USH1C: variants seen among roughly 807,000 people sequenced by gnomAD.
USH1C encodes the protein harmonin.
In USH1C, 90 loss-of-function variants were observed where a neutral mutation model predicts 119.3. The ratio of observed to expected loss-of-function variants is 0.75; its 90% CI spans 0.64 to 0.90. The LOEUF is 0.90. Among genes scored for constraint, USH1C ranks in the 40% least tolerant of loss-of-function variants. The probability of loss-of-function intolerance (pLI) is 0.00; values close to 1 mark genes in which losing one functional copy is unlikely to be tolerated. For missense variants in USH1C, 1,165 were observed against 1,167.7 expected, an observed-to-expected ratio of 1.00 and a Z score of 0.03; for synonymous variants, 465 against 443.3, an observed-to-expected ratio of 1.05 and a Z score of -0.62.
Position 17,498,234 on chromosome 11 carries a change from G to T in USH1C, c.2418C>A (p.Asn806Lys), listed in dbSNP as rs397517876. ...GGGTGTAGTCTGTCACAATCTTGCC[G>T]TTGATTGCCATGATCTCGTCCCCTT... ...IVKGDEIMAI[N>K]GKIVTDYTLA... The change falls in exon 24 of 27, where the codon AAC (asparagine) becomes AAA (lysine). Residue 806 changes from asparagine (N) to lysine (K), a missense_variant. Asn to Lys is a moderately conservative substitution (Grantham distance 94). Transcript: ENST00000005226. 6.2e-7 allele frequency: 1 copy of T among 1,614,172 alleles called. No homozygotes were observed. Among genetic ancestry groups the T allele is most frequent in the Non-Finnish European group, 8.5e-7 (1 of 1,180,018 alleles).
At chr11:17,499,821 C>T (rs1849371045) in intron 23 of USH1C, among the ~76,000 whole-genome samples, 1 of 152,228 alleles carries the variant, frequency 6.6e-6, no homozygotes, top group African/African-American at 2.4e-5. Context: ...GGGCCTTTCC[C>T]ATCCCTGTTT....
At chr11:17,496,913 GC>G in intron 24 of USH1C, 100 bp from the exon 25 acceptor site, 1 of 1,431,764 alleles carries the variant, frequency 7.0e-7, no homozygotes, top group Non-Finnish European at 9.7e-7. Flanking sequence ...CCTAGGATCA[GC>G]CAGGCTGCAC....
intron 24 of USH1C, 83 bp from the exon 25 acceptor site, chr11:17,496,896 C>T (rs773065533): frequency 6.5e-7 from 1 of 1,544,948 alleles, no homozygotes; most frequent in Non-Finnish European, 8.9e-7. Context: ...ATTTCTGGGC[C>T]CCATGGCCTA....
At chr11:17,527,399 C>T in intron 4 of USH1C, 68 bp from the exon 5 acceptor site, 5 of 1,222,310 alleles carry the variant, frequency 4.1e-6, no homozygotes, top group Non-Finnish European at 6.0e-6. Flanking sequence ...AGACTCACCA[C>T]CAGATGCTCC....
rs1157049229 is a variant in USH1C at position 17,509,369 on chromosome 11, G to A, written c.2000C>T (p.Pro667Leu). The A allele has an allele frequency of 3.8e-6, 6 of 1,580,662 alleles. No individual in the cohort carries two copies. In the Admixed American group the frequency reaches 1.0e-4, roughly 27 times the overall value. Residue 667 changes from proline (P) to leucine (L), a missense_variant, in exon 18 of 27, where the codon CCA becomes CTA. Transcript: ENST00000005226. ...CAGGGACATTACCTTTGGGGTGGGT[G>A]GGAAGCTCTGTTCAGGGACAGGGGA... ...TNSPVPEQSF[P>L]PTPKTFCPSP...
chr11:17,516,530 C>T (rs1850154352), intron 14 of USH1C: 1 of 554,360 alleles, frequency 1.8e-6, no homozygotes, highest in Admixed American at 2.9e-5. Flanking sequence ...GGGTCACTCT[C>T]AAATGCCTCT....
rs767655370 is a variant in USH1C at position 17,531,200 on chromosome 11, A to G, written c.341T>C (p.Ile114Thr). 8.1e-6 allele frequency: 13 copies of G among 1,613,798 alleles called. No individual in the cohort carries two copies. The South Asian group carries it at 1.3e-4, about 16-fold the overall frequency. ...GGLEFGCGLF[I>T]SHLIKGGQAD... ...CTGACCGCCTTTGATGAGGTGGGAG[A>G]TGAAGAGCCCACAGCCAAACTCCAG... The change falls in exon 4 of 27, where the codon ATC (isoleucine) becomes ACC (threonine). Residue 114 changes from isoleucine to threonine, a missense_variant. Ile to Thr is a moderately conservative substitution (Grantham distance 89). Coordinates refer to ENST00000005226, the MANE Select transcript of USH1C (RefSeq NM_153676.4). This position sits in a 1 kb window ranked among gnomAD's most constrained non-coding sequence, Gnocchi z 4.2.
At chr11:17,501,449 T>G (rs750962113) in intron 22 of USH1C, 33 bp downstream of exon 22, 2 of 1,607,050 alleles carry the variant, frequency 1.2e-6, no homozygotes, top group African/African-American at 2.7e-5. Flanking sequence ...CAGAGAGGGA[T>G]GGCGGCCCAC....
chr11:17,541,454 C>T (rs528188084), intron 1 of USH1C, among the ~76,000 whole-genome samples: 6 of 152,270 alleles, frequency 3.9e-5, no homozygotes, highest in South Asian at 2.1e-4. Context: ...TCATCCCAAC[C>T]GGTTGTCAGA....
At position 17,498,106 on chromosome 11, in the gene USH1C, C is replaced by G. The variant is rs138506985; in HGVS notation, c.2490+56G>C. 8,988 of 1,539,950 alleles carry G rather than the reference C, an allele frequency of 5.8e-3. 38 individuals are homozygous for G. The highest frequency in any genetic ancestry group is 0.01 in the Admixed American group (605 of 59,870). ...CTATTGTGAGACCTGGCTGCAGAGGCCAGGGTTTGAGGCAGGCAGGTGAGG... is the reference window on the plus strand; with the variant it reads ...CTATTGTGAGACCTGGCTGCAGAGGGCAGGGTTTGAGGCAGGCAGGTGAGG... On this transcript the variant is annotated intron_variant, in intron 24 of 26. Transcript: ENST00000005226.
At position 17,531,163 on chromosome 11, in the gene USH1C, G is replaced by A. The variant is rs369375384; in HGVS notation, c.378C>T (p.Val126=). The A allele has an allele frequency of 7.7e-5, 124 of 1,613,960 alleles. No homozygotes were observed. The highest frequency in any genetic ancestry group is 2.5e-4 in the South Asian group (23 of 91,092). The part of the protein sequence containing the change: ...HLIKGGQADS[V]GLQVGDEIVR... ...GACTCTGTTTGCTCACCTGGAGCCCGACGCTGTCTGCCTGACCGCCTTTGA... is the reference window on the plus strand; with the variant it reads ...GACTCTGTTTGCTCACCTGGAGCCCAACGCTGTCTGCCTGACCGCCTTTGA... The change falls in exon 4 of 27, where the codon GTC becomes GTT. Residue 126 remains valine, a synonymous_variant. Transcript: ENST00000005226. This position sits in a 1 kb window ranked among gnomAD's most constrained non-coding sequence, Gnocchi z 4.2.
At chr11:17,524,685 C>T in intron 8 of USH1C, 150 bp from the exon 9 acceptor site, 2 of 858,806 alleles carry the variant, frequency 2.3e-6, no homozygotes, top group Admixed American at 2.2e-5. Context: ...TCTACTGCTA[C>T]CCTGGGCAAC....
intron 1 of USH1C, among the ~76,000 whole-genome samples, chr11:17,535,295 C>T (rs1193665776): frequency 1.3e-5 from 2 of 152,024 alleles, no homozygotes; most frequent in Admixed American, 6.6e-5. Flanking sequence ...TCCCACAGGC[C>T]GAACGCTCTC....
At chr11:17,511,376 G>A (rs981563485) in intron 16 of USH1C, among the ~76,000 whole-genome samples, 1 of 152,188 alleles carries the variant, frequency 6.6e-6, no homozygotes, top group Non-Finnish European at 1.5e-5. Context: ...TGGGAAGGGA[G>A]GCCAGAGTGA....
intron 26 of USH1C, chr11:17,494,952 G>A (rs1849193207): frequency 4.6e-6 from 1 of 219,506 alleles, no homozygotes; most frequent in Admixed American, 5.2e-5. Flanking sequence ...GGAGAAGGCA[G>A]AGAAGACCGT....
At chr11:17,501,015 C>T (rs769576781) in intron 23 of USH1C, 36 bp downstream of exon 23, 2 of 1,582,842 alleles carry the variant, frequency 1.3e-6, no homozygotes, top group South Asian at 2.2e-5. Flanking sequence ...ACCACTGTAT[C>T]ATCCCCAAAC....
intron 15 of USH1C, among the ~76,000 whole-genome samples, chr11:17,513,562 C>T (rs2133835443): frequency 6.6e-6 from 1 of 152,266 alleles, no homozygotes; most frequent in Non-Finnish European, 1.5e-5. Context: ...TGGAAATGGT[C>T]ACCTCTGGGA....
chr11:17,538,325 T>C (rs1342374601), intron 1 of USH1C, among the ~76,000 whole-genome samples: 1 of 152,112 alleles, frequency 6.6e-6, no homozygotes, highest in Non-Finnish European at 1.5e-5. Context: ...GCCCCTTGTC[T>C]AGGGTATTGG....
intron 4 of USH1C, among the ~76,000 whole-genome samples, chr11:17,528,525 C>G (rs1850815691): frequency 6.6e-6 from 1 of 152,240 alleles, no homozygotes; most frequent in African/African-American, 2.4e-5. Context: ...CAGTGCAGGT[C>G]AGCTGGGGGC....
Sources: allele counts gnomAD v4.1 joint callset (sites outside exome capture counted in the v4.1 genomes callset), GRCh38; gene constraint gnomAD v4.1.1; non-coding constraint Gnocchi (gnomAD v3.1); transcripts MANE v1.5; gene names NCBI Gene and HGNC (gene_info 2026-07-23, HGNC 2026-07-21).